The following CPLANE1 variants were observed in gnomAD, a reference collection of about 807,000 sequenced individuals.
CPLANE1 encodes ciliogenesis and planar polarity effector complex subunit 1.
A neutral mutation model predicts 362.5 loss-of-function variants in CPLANE1; 263 were observed. The observed-to-expected ratio is 0.73, with a 90% CI of 0.66 to 0.80. The LOEUF is 0.80. CPLANE1 is among the 30% of genes least tolerant of loss of function. The pLI is 0.00. For missense variants in CPLANE1, 3,461 were observed against 3,793.4 expected, an observed-to-expected ratio of 0.91 and a Z score of 2.30; for synonymous variants, 1,212 against 1,302.6, an observed-to-expected ratio of 0.93 and a Z score of 1.50.
rs772553538 is a variant in CPLANE1 at position 37,177,635 on chromosome 5, C to T, written c.5886G>A (p.Ser1962=). 33 of 1,613,078 alleles carry T rather than the reference C, an allele frequency of 2.0e-5. No homozygotes were observed. Among genetic ancestry groups the T allele is most frequent in the African/African-American group, 2.7e-5 (2 of 74,868 alleles). The change falls in exon 30 of 53, where the codon TCG becomes TCA. Residue 1962 remains serine (S), a synonymous_variant. Transcript: ENST00000651892. ...TTCCCCCTTACCCTTTTTGTTCAGTCGATTTTTCCTCCATAATTGTCTCCA... is the reference window on the plus strand; with the variant it reads ...TTCCCCCTTACCCTTTTTGTTCAGTTGATTTTTCCTCCATAATTGTCTCCA... The part of the protein sequence containing the change: ...EPLETIMEEK[S]TEQKGMIEAF...
At position 37,243,125 on chromosome 5, in the gene CPLANE1, G is replaced by C; in HGVS notation, c.571-6C>G. On this transcript the variant is annotated splice_region_variant and splice_polypyrimidine_tract_variant and intron_variant, in intron 5 of 52. Transcript: ENST00000651892. ...AGGCAGCAGTCTCCAAATAACTGTA[G>C]ATAAATTTAATATACTTTAGTATAA... The C allele has an allele frequency of 6.8e-7, 1 of 1,470,830 alleles. No homozygotes were observed. The highest frequency in any genetic ancestry group is 9.2e-7 in the Non-Finnish European group (1 of 1,089,136). 91.1% of individuals were successfully genotyped at this position (1,470,830 alleles called of 1,614,324 possible). A position where few individuals can be genotyped will look rare whatever the true frequency, so the allele number is the denominator to read the frequency against.
At chr5:37,187,909 A>T in intron 21 of CPLANE1, 67 bp from the exon 22 acceptor site, 1 of 1,027,536 alleles carries the variant, frequency 9.7e-7, no homozygotes, top group Non-Finnish European at 1.4e-6. Context: ...TAACAACTCC[A>T]ACTCTGCTGA....
chr5:37,083,181 A>G, the CPLANE1 span, among the ~76,000 whole-genome samples: 1 of 152,156 alleles, frequency 6.6e-6, no homozygotes, highest in Non-Finnish European at 1.5e-5. Context: ...GAAAGATAAC[A>G]ATCACTTCAG....
chr5:37,179,461 T>C lies in CPLANE1; in HGVS notation c.5738-18A>G, dbSNP rs758653056. 30 of 1,565,234 alleles carry C rather than the reference T, an allele frequency of 1.9e-5. No homozygotes were observed. The highest frequency in any genetic ancestry group is 2.3e-5 in the Non-Finnish European group (26 of 1,142,730). On this transcript the variant is annotated intron_variant, in intron 28 of 52. Transcript: ENST00000651892. ...AATGTCTTCTAGCGATAAGTGAAGA[T>C]GAAGAGAAAACTGATCATTTAAAAA... is the stretch of plus-strand genomic sequence containing the variant.
rs1384307303 is a variant in CPLANE1, at chr5:37,169,398, G to C, written c.6626C>G (p.Ala2209Gly). 6.2e-7 allele frequency: 1 copy of C among 1,614,198 alleles called. No individual in the cohort carries two copies. The highest frequency in any genetic ancestry group is 8.5e-7 in the Non-Finnish European group (1 of 1,180,032). ...TTTTGCATGTGGGATAAGTCTAGGT[G>C]CCTTCTGAACAACAGAAGGTGTGGA... ...LLSTPSVVQK[A>G]PRLIPHAKTF... The change falls in exon 34 of 53, where the codon GCA (alanine) becomes GGA (glycine). Residue 2209 changes from alanine (A) to glycine (G), a missense_variant. Coordinates refer to ENST00000651892, the MANE Select transcript of CPLANE1 (RefSeq NM_001384732.1).
chr5:37,141,233 G>A (rs1769613470), intron 44 of CPLANE1: 2 of 985,000 alleles, frequency 2.0e-6, no homozygotes, highest in East Asian at 1.1e-4. Context: ...TTCTCTGCTT[G>A]GAATTCTCCC....
At position 37,138,745 on chromosome 5, in the gene CPLANE1, T is replaced by C. The variant is rs1768645737; in HGVS notation, c.8767A>G (p.Thr2923Ala). The change falls in exon 46 of 53, where the codon ACA (threonine) becomes GCA (alanine). Residue 2923 changes from threonine to alanine, a missense_variant. This residue lies in a region of CPLANE1 where 3,380 missense variants were observed against 3,666.1 expected (regional missense o/e 0.92). Transcript: ENST00000651892. ...CTGGAGGTGCCCATAGCTTGTTCTG[T>C]TAAGCCAAGTTCTTCACTGGAAACT... The part of the protein sequence containing the change: ...DGVSSEELGL[T>A]EQAMGTSRIQ... 6.2e-7 allele frequency: 1 copy of C among 1,612,620 alleles called. No individual in the cohort carries two copies. The highest frequency in any genetic ancestry group is 1.3e-5 in the African/African-American group (1 of 74,900).
chr5:37,124,597 G>T lies in CPLANE1; in HGVS notation c.8958+647C>A, dbSNP rs369023395. 9.2e-5 allele frequency among the ~76,000 whole-genome samples: 14 copies of T among 152,072 alleles called. No individual in the cohort carries two copies. The East Asian group carries it at 1.7e-3, about 19-fold the overall frequency. On this transcript the variant is annotated intron_variant, in intron 47 of 52. Transcript: ENST00000651892. ...ACACAGGGTCGCCCTTTGTCTCCCA[G>T]GCTGGAGTGCAGTGGTGTGATCATA...
chr5:37,118,783 A>G (rs58245929), intron 50 of CPLANE1, among the ~76,000 whole-genome samples: 1,860 of 150,294 alleles, frequency 0.012, 24 homozygotes, highest in African/African-American at 0.044. Flanking sequence ...GTGCGATCTC[A>G]GCTCACTGCA....
chr5:37,108,948 T>A (rs1407570041), intron 51 of CPLANE1, among the ~76,000 whole-genome samples: 1 of 152,228 alleles, frequency 6.6e-6, no homozygotes, highest in Admixed American at 6.5e-5. Context: ...TCTTTCTTCT[T>A]ACTGCATATA....
chr5:37,242,935 C>G (rs1017213525), intron 6 of CPLANE1, 78 bp downstream of exon 6: 3 of 920,414 alleles, frequency 3.3e-6, no homozygotes, highest in Admixed American at 5.6e-5. Context: ...ACCCCCCAGT[C>G]TGGGTGACAC....
chr5:37,159,555 C>T (rs1175455065), intron 38 of CPLANE1, among the ~76,000 whole-genome samples: 4 of 152,146 alleles, frequency 2.6e-5, no homozygotes, highest in African/African-American at 9.7e-5. Context: ...AATAAACAGG[C>T]CTGTCACAGC....
intron 18 of CPLANE1, among the ~76,000 whole-genome samples, chr5:37,202,766 T>A (rs934643730): frequency 6.6e-6 from 1 of 152,142 alleles, no homozygotes; most frequent in Non-Finnish European, 1.5e-5. Context: ...TTAACATTTT[T>A]GCTATATTCA....
chr5:37,157,570 G>T, intron 40 of CPLANE1, 100 bp downstream of exon 40: 1 of 1,142,122 alleles, frequency 8.8e-7, no homozygotes, highest in Non-Finnish European at 1.3e-6. Flanking sequence ...AAAATACAGT[G>T]GGTTTGTAGG....
In CPLANE1 at chr5:37,142,319, T is replaced by C. The variant is rs563494619; in HGVS notation, c.8623A>G (p.Thr2875Ala). Residue 2875 changes from threonine (T) to alanine (A), a missense_variant, in exon 44 of 53, where the codon ACT becomes GCT. Coordinates refer to ENST00000651892, the MANE Select transcript of CPLANE1 (RefSeq NM_001384732.1). ...SLSSSSDQNT[T>A]SPGMNSSDEL... is the part of the protein sequence containing the mutation. Reference sequence around the variant, plus strand: ...AAGTAAAGAACAATACCAGGAGAAGTAGTATTCTGATCACTGGAACTGGAA... The same window carrying C: ...AAGTAAAGAACAATACCAGGAGAAGCAGTATTCTGATCACTGGAACTGGAA... 2.5e-6 allele frequency: 4 copies of C among 1,586,932 alleles called. No individual in the cohort carries two copies. The East Asian group carries it at 6.9e-5, about 27-fold the overall frequency.
At chr5:37,126,664 C>T (rs1764206743) in intron 46 of CPLANE1, among the ~76,000 whole-genome samples, 1 of 152,190 alleles carries the variant, frequency 6.6e-6, no homozygotes, top group Non-Finnish European at 1.5e-5. Context: ...AACTAACACA[C>T]ATGCAGTAGG....
At chr5:37,242,729 G>A (rs541299327) in intron 6 of CPLANE1, among the ~76,000 whole-genome samples, 8 of 152,086 alleles carry the variant, frequency 5.3e-5, no homozygotes, top group African/African-American at 9.6e-5. Context: ...TGTTTAAAAA[G>A]GGATAGAAAA....
intron 12 of CPLANE1, 49 bp from the exon 13 acceptor site, chr5:37,224,789 T>A: frequency 7.6e-7 from 1 of 1,318,596 alleles, no homozygotes; most frequent in South Asian, 1.3e-5. Context: ...AGGCTAATGA[T>A]GAGTTTAGCC....
intron 29 of CPLANE1, among the ~76,000 whole-genome samples, chr5:37,178,415 T>C (rs924075892): frequency 2.0e-5 from 3 of 151,248 alleles, no homozygotes; most frequent in Non-Finnish European, 4.4e-5. Context: ...CTAAGCAACA[T>C]AGCAAGGCCC....
Sources: allele counts gnomAD v4.1 joint callset (sites outside exome capture counted in the v4.1 genomes callset), GRCh38; gene constraint gnomAD v4.1.1; regional missense constraint gnomAD v4.1.1; transcripts MANE v1.5; gene names NCBI Gene and HGNC (gene_info 2026-07-23, HGNC 2026-07-21).